Variants in COL28A1 observed in about 807,000 individuals in gnomAD.
The protein encoded by COL28A1 is collagen type XXVIII alpha 1 chain, also known as collagen alpha-1(XXVIII) chain.
In COL28A1, 161 loss-of-function variants were observed where a neutral mutation model predicts 150.2. The observed-to-expected ratio is 1.07, with a 90% CI of 0.94 to 1.22. The LOEUF is 1.22. Ranked by LOEUF, COL28A1 falls within the 50% of genes most tolerant of loss-of-function variation. COL28A1 has a pLI of 0.00. For missense variants in COL28A1, 1,617 were observed against 1,388.3 expected, an observed-to-expected ratio of 1.16 and a Z score of -2.62; for synonymous variants, 552 against 469.7, an observed-to-expected ratio of 1.18 and a Z score of -2.26.
At chr7:7,419,985 A>T (rs1314911922) in intron 25 of COL28A1, 32 bp from the exon 26 acceptor site, 1 of 1,459,092 alleles carries the variant, frequency 6.9e-7, no homozygotes, top group African/African-American at 1.4e-5. Context: ...CAAGTTACTA[A>T]TTTTTTAAAG....
chr7:7,406,106 T>G (rs1187485435), intron 27 of COL28A1, among the ~76,000 whole-genome samples: 1 of 152,174 alleles, frequency 6.6e-6, no homozygotes, highest in African/African-American at 2.4e-5. Context: ...CTGTACCAAG[T>G]AAGTGCCTAC....
At chr7:7,408,928 G>A (rs539276989) in intron 27 of COL28A1, among the ~76,000 whole-genome samples, 7 of 152,138 alleles carry the variant, frequency 4.6e-5, no homozygotes, top group Admixed American at 4.6e-4. Context: ...CATTTATTCT[G>A]ATTTGATTAC....
At chr7:7,380,999 A>G in intron 28 of COL28A1, 137 bp from the exon 29 acceptor site, 4 of 690,798 alleles carry the variant, frequency 5.8e-6, no homozygotes, top group Non-Finnish European at 9.8e-6. Flanking sequence ...GCAGTATTTG[A>G]AAAAAAATTG....
chr7:7,344,028 T>A, the COL28A1 span, among the ~76,000 whole-genome samples: 3 of 151,034 alleles, frequency 2.0e-5, no homozygotes, highest in Admixed American at 6.6e-5. Context: ...AAAAAAAAAA[T>A]AAAGGTGCAG....
intron 27 of COL28A1, 34 bp from the exon 28 acceptor site, chr7:7,381,646 A>C (rs1190071760): frequency 6.6e-7 from 1 of 1,526,662 alleles, no homozygotes; most frequent in South Asian, 1.1e-5. Context: ...TGTTCTATTA[A>C]TTTCCCAGGA....
At chr7:7,519,999 GT>G in intron 6 of COL28A1, 62 bp downstream of exon 6, 1 of 822,096 alleles carries the variant, frequency 1.2e-6, no homozygotes, top group Non-Finnish European at 2.0e-6. Context: ...TAAAATTGTT[GT>G]TTTAAAAAAA....
chr7:7,446,775 G>T (rs2128325321), intron 18 of COL28A1, among the ~76,000 whole-genome samples: 1 of 152,196 alleles, frequency 6.6e-6, no homozygotes, highest in East Asian at 1.9e-4. Context: ...TGCAGGGATT[G>T]AGAAACCAGG....
At chr7:7,377,337 A>G (rs1400932205) in intron 30 of COL28A1, among the ~76,000 whole-genome samples, 1 of 152,190 alleles carries the variant, frequency 6.6e-6, no homozygotes, top group Non-Finnish European at 1.5e-5. Context: ...GGTGCCAATG[A>G]TGAAGGCATC....
At chr7:7,435,687 G>A (rs1785288541) in intron 23 of COL28A1, among the ~76,000 whole-genome samples, 1 of 152,102 alleles carries the variant, frequency 6.6e-6, no homozygotes, top group Non-Finnish European at 1.5e-5. Context: ...TTTTAACTTT[G>A]AAGGTCATCA....
At chr7:7,360,285 T>G (rs1463888964) in intron 34 of COL28A1, 105 bp downstream of exon 34, 1 of 1,145,830 alleles carries the variant, frequency 8.7e-7, no homozygotes, top group East Asian at 2.8e-5. Context: ...CTTCCTCACA[T>G]TGTAGATACA....
intron 3 of COL28A1, among the ~76,000 whole-genome samples, chr7:7,527,661 G>A (rs757595392): frequency 7.2e-5 from 11 of 152,102 alleles, no homozygotes; most frequent in African/African-American, 7.2e-5. Flanking sequence ...TCAATGAAAA[G>A]GATAAATAGG....
At chr7:7,363,073 G>T (rs1042928721) in intron 33 of COL28A1, among the ~76,000 whole-genome samples, 15 of 151,614 alleles carry the variant, frequency 9.9e-5, no homozygotes, top group African/African-American at 3.2e-4. Context: ...AAAAGTACTG[G>T]TTTTTTTTGC....
intron 27 of COL28A1, among the ~76,000 whole-genome samples, chr7:7,405,097 C>T (rs1241391452): frequency 6.6e-6 from 1 of 152,116 alleles, no homozygotes; most frequent in Non-Finnish European, 1.5e-5. Flanking sequence ...AAACTTTGTA[C>T]AACTAGCAAG....
intron 8 of COL28A1, among the ~76,000 whole-genome samples, chr7:7,515,371 G>A (rs1200233376): frequency 6.6e-6 from 1 of 152,182 alleles, no homozygotes; most frequent in African/African-American, 2.4e-5. Flanking sequence ...GGCTGACTCA[G>A]TGAAGTCAGT....
chr7:7,360,397 C>T lies in COL28A1; in HGVS notation c.3198G>A (p.Gly1066=), dbSNP rs761565867. Residue 1066 remains glycine, a synonymous_variant, in exon 34 of 35, where the codon GGG becomes GGA. Coordinates refer to ENST00000399429, the MANE Select transcript of COL28A1 (RefSeq NM_001037763.3). ...GAGTTCTGGTTTACCTACCCTCTGC[C>T]CCATCCACAGGGGTGCTGAGCAGTG... The part of the protein sequence containing the change: ...PRPLLSTPVD[G]AEDPRCLEAL... 33 of 1,573,756 alleles carry T rather than the reference C, an allele frequency of 2.1e-5. No homozygotes were observed. In the East Asian group the frequency reaches 7.4e-4, roughly 35 times the overall value.
At chr7:7,398,414 GCCAAT>G (rs2128297518) in intron 27 of COL28A1, among the ~76,000 whole-genome samples, 1 of 152,276 alleles carries the variant, frequency 6.6e-6, no homozygotes, top group South Asian at 2.1e-4. Context: ...ATGAATATTT[GCCAAT>G]AATCTCAGCA....
At chr7:7,462,780 A>C (rs1787738837) in intron 15 of COL28A1, among the ~76,000 whole-genome samples, 3 of 151,708 alleles carry the variant, frequency 2.0e-5, no homozygotes, top group Admixed American at 1.3e-4. Context: ...AATCACTTGA[A>C]CCCGGGAGGC....
chr7:7,424,659 T>A (rs999993347), intron 25 of COL28A1, among the ~76,000 whole-genome samples: 1 of 152,052 alleles, frequency 6.6e-6, no homozygotes, highest in Non-Finnish European at 1.5e-5. Context: ...GGTAACAACA[T>A]CTATCACTTT....
At chr7:7,542,119 G>C in the COL28A1 span, among the ~76,000 whole-genome samples, 2 of 152,322 alleles carry the variant, frequency 1.3e-5, no homozygotes, top group Admixed American at 1.3e-4. Flanking sequence ...GGAGGCCGAG[G>C]CGGGCAGATC....
Sources: gnomAD v4.1 joint callset for allele counts (sites outside exome capture counted in the v4.1 genomes callset) on GRCh38, gnomAD v4.1.1 for gene constraint, MANE v1.5 for transcripts, NCBI Gene and HGNC (gene_info 2026-07-23, HGNC 2026-07-21) for gene names.